NF1: variants seen among roughly 807,000 people sequenced by gnomAD.
NF1 encodes the protein neurofibromin.
A neutral mutation model predicts 325.7 loss-of-function variants in NF1; 122 were observed. That is an observed-to-expected ratio of 0.37 (90% CI 0.32 to 0.44). The LOEUF is 0.44. NF1 is among the 20% of genes least tolerant of loss of function. The pLI, the probability that NF1 is intolerant of heterozygous loss-of-function variation, is 1.00. For synonymous variants in NF1, 1,091 were observed against 1,186.0 expected, an observed-to-expected ratio of 0.92 and a Z score of 1.65; for missense variants, 2,140 against 3,415.4, an observed-to-expected ratio of 0.63 and a Z score of 9.31.
chr17:31,175,345 C>CTTTT lies in NF1; in HGVS notation c.586+5368_586+5371dup, dbSNP rs869113407. Among the ~76,000 whole-genome samples, 87 of 71,300 alleles carry CTTTT rather than the reference C, an allele frequency of 1.2e-3. 1 individual carries two copies. Among genetic ancestry groups the CTTTT allele is most frequent in the Middle Eastern group, 0.016 (1 of 62 alleles). The allele number at this position is 71,300 out of a possible 152,430, so 46.8% of individuals were successfully genotyped here. A position where few individuals can be genotyped will look rare whatever the true frequency, so the allele number is the denominator to read the frequency against. ...TTTCCCATAAACACCTGTGCTTTTG[C>CTTTT]TTTTTTTTTTTTTTTTTTTTTTTGG... On this transcript the variant is annotated intron_variant, in intron 5 of 57. Coordinates refer to ENST00000358273, the MANE Select transcript of NF1 (RefSeq NM_001042492.3).
chr17:31,216,652 C>A (rs998267323), intron 13 of NF1, among the ~76,000 whole-genome samples: 2 of 151,996 alleles, frequency 1.3e-5, no homozygotes, highest in African/African-American at 4.8e-5. Context: ...TCTTATTATG[C>A]CCCCTCTCAG....
intron 1 of NF1, among the ~76,000 whole-genome samples, chr17:31,151,146 T>A (rs1916916219): frequency 6.6e-6 from 1 of 152,176 alleles, no homozygotes; most frequent in Non-Finnish European, 1.5e-5. Flanking sequence ...TAATATGGTA[T>A]CATTACCTTT....
chr17:31,244,831 T>TGA (rs1314620372), intron 29 of NF1, among the ~76,000 whole-genome samples: 2 of 152,202 alleles, frequency 1.3e-5, no homozygotes. Context: ...TATGGATGGT[T>TGA]GTTCAAGTTG....
intron 36 of NF1, chr17:31,297,161 T>C (rs1469779067): frequency 6.6e-6 from 1 of 152,218 alleles, no homozygotes; most frequent in Non-Finnish European, 1.5e-5. Context: ...CTTACCGTGG[T>C]GTCGTCTTCA....
chr17:31,115,557 T>C (rs886831884), intron 1 of NF1, among the ~76,000 whole-genome samples: 1 of 152,220 alleles, frequency 6.6e-6, no homozygotes, highest in East Asian at 1.9e-4. Context: ...GGGAAAACAA[T>C]ATTGTATATT....
chr17:31,226,414 T>C (rs762914112), intron 17 of NF1, 21 bp from the exon 18 acceptor site: 17 of 1,610,938 alleles, frequency 1.1e-5, no homozygotes, highest in Non-Finnish European at 1.4e-5. Context: ...CAAATATATG[T>C]CTTCCACCCT....
chr17:31,296,135 T>G, intron 36 of NF1: 1 of 1,610,758 alleles, frequency 6.2e-7, no homozygotes, highest in Non-Finnish European at 8.5e-7. Context: ...ATCAGTAAAG[T>G]GGTTATAAGA....
At chr17:31,308,201 G>C (rs981403743) in intron 36 of NF1, among the ~76,000 whole-genome samples, 1 of 151,488 alleles carries the variant, frequency 6.6e-6, no homozygotes, top group Non-Finnish European at 1.5e-5. Context: ...GCAGTGGCAT[G>C]ATCTTGTCTC....
At chr17:31,207,875 G>C (rs1331303715) in intron 12 of NF1, among the ~76,000 whole-genome samples, 2 of 152,134 alleles carry the variant, frequency 1.3e-5, no homozygotes, top group African/African-American at 2.4e-5. Flanking sequence ...TTTTCTGGTA[G>C]AAAGTTAATG....
intron 8 of NF1, among the ~76,000 whole-genome samples, chr17:31,193,495 C>A (rs2066383037): frequency 6.6e-6 from 1 of 152,042 alleles, no homozygotes; most frequent in Admixed American, 6.6e-5. Context: ...ATTTTAAATT[C>A]CATATTGTCA....
intron 3 of NF1, among the ~76,000 whole-genome samples, chr17:31,161,128 G>T (rs1009685547): frequency 6.6e-6 from 1 of 152,152 alleles, no homozygotes. Flanking sequence ...TTAAGTGAAA[G>T]AAAAATACTT....
chr17:31,340,881 C>T (rs1004083204), intron 47 of NF1, among the ~76,000 whole-genome samples: 3 of 149,030 alleles, frequency 2.0e-5, no homozygotes, highest in Admixed American at 2.0e-4. Context: ...ACAGTACTGG[C>T]CTAATACTAG....
chr17:31,152,988 A>G (rs1917053293), intron 1 of NF1, among the ~76,000 whole-genome samples: 2 of 151,928 alleles, frequency 1.3e-5, no homozygotes, highest in East Asian at 3.9e-4. Context: ...TTATGTCTCT[A>G]GAGCTTATTC....
rs17885750 is a variant in NF1, at chr17:31,220,556, G to C, written c.1642-1294G>C. ...GAGCTTTATTTACTGGGAGGAGAAT[G>C]GGTTAATATTCAATAGTGAGAATGC... On this transcript the variant is annotated intron_variant, in intron 14 of 57. Coordinates refer to ENST00000358273, the MANE Select transcript of NF1 (RefSeq NM_001042492.3). Among the ~76,000 whole-genome samples the C allele has an allele frequency of 3.5e-3, 537 of 152,208 alleles. 1 individual carries two copies. Among genetic ancestry groups the C allele is most frequent in the Non-Finnish European group, 5.2e-3 (351 of 67,972 alleles).
At chr17:31,269,717 G>A (rs900758722) in intron 36 of NF1, among the ~76,000 whole-genome samples, 1 of 152,192 alleles carries the variant, frequency 6.6e-6, no homozygotes, top group Non-Finnish European at 1.5e-5. Context: ...GCTGTGGCTG[G>A]TAATGGTTTG....
chr17:31,133,230 C>T (rs1007822741), intron 1 of NF1: 1 of 152,136 alleles, frequency 6.6e-6, no homozygotes, highest in Non-Finnish European at 1.5e-5. Context: ...AAATAAGTGG[C>T]GTCATACAGT....
At chr17:31,263,059 GTAGGTAGGTAGATAGA>G (rs1597750643) in intron 35 of NF1, among the ~76,000 whole-genome samples, 1 of 147,026 alleles carries the variant, frequency 6.8e-6, no homozygotes, top group African/African-American at 2.6e-5. Flanking sequence ...AGGTAGGTAG[GTAGGTAGGTAGATAGA>G]TAGGTAGGTA....
chr17:31,226,334 C>CACACAA, intron 17 of NF1, 101 bp from the exon 18 acceptor site: 2 of 1,335,044 alleles, frequency 1.5e-6, no homozygotes, highest in South Asian at 2.5e-5. Context: ...CACACACACA[C>CACACAA]ACACACACAC....
intron 16 of NF1, among the ~76,000 whole-genome samples, chr17:31,224,845 CTT>C (rs942620699): frequency 2.0e-5 from 3 of 152,126 alleles, no homozygotes; most frequent in African/African-American, 7.2e-5. Flanking sequence ...TTATGTCAGA[CTT>C]AATTTATATT....
Sources: allele counts gnomAD v4.1 joint callset (sites outside exome capture counted in the v4.1 genomes callset), GRCh38; gene constraint gnomAD v4.1.1; transcripts MANE v1.5; gene names NCBI Gene and HGNC (gene_info 2026-07-23, HGNC 2026-07-21).